OSBPL3: variants seen among roughly 807,000 people sequenced by gnomAD.
OSBPL3 encodes oxysterol binding protein like 3.
OSBPL3 carries 65 observed loss-of-function variants against 120.1 expected under a neutral mutation model. The ratio of observed to expected loss-of-function variants is 0.54; its 90% CI spans 0.44 to 0.67. The LOEUF (loss-of-function observed/expected upper bound fraction) is 0.67. Among genes scored for constraint, OSBPL3 ranks in the 30% least tolerant of loss-of-function variants. The pLI, the probability that OSBPL3 is intolerant of heterozygous loss-of-function variation, is 0.00. For synonymous variants in OSBPL3, 416 were observed against 402.6 expected (o/e 1.03, Z -0.40); for missense variants, 1,004 against 1,082.1 (o/e 0.93, Z 1.01).
intron 5 of OSBPL3, among the ~76,000 whole-genome samples, chr7:24,866,651 A>C (rs746736262): frequency 1.7e-4 from 26 of 152,100 alleles, no homozygotes; most frequent in Non-Finnish European, 3.5e-4. Flanking sequence ...AAAAAAATAC[A>C]TAAATAAGAA....
chr7:24,814,459 TAA>T (rs879840354), intron 19 of OSBPL3, among the ~76,000 whole-genome samples: 3 of 142,686 alleles, frequency 2.1e-5, no homozygotes, highest in East Asian at 2.0e-4. Context: ...AGCATGACAT[TAA>T]AAAAAAAAAA....
Position 24,820,126 on chromosome 7 carries a change from G to C in OSBPL3, c.1948+49C>G. ...CAGCAATTCTTGGATAAAATAAATA[G>C]ATAACATATTACACAATATGATGGA... On this transcript the variant is annotated intron_variant, in intron 17 of 22. Coordinates refer to ENST00000313367, the MANE Select transcript of OSBPL3 (RefSeq NM_015550.4). The surrounding 1 kb of genome is among the most constrained non-coding windows in gnomAD (Gnocchi z 4.6). The C allele has an allele frequency of 7.8e-7, 1 of 1,276,268 alleles. No homozygotes were observed. Among genetic ancestry groups the C allele is most frequent in the Non-Finnish European group, 1.1e-6 (1 of 883,946 alleles). The allele number at this position is 1,276,268 out of a possible 1,614,324, so 79.1% of individuals were successfully genotyped here. A position where few individuals can be genotyped will look rare whatever the true frequency, so the allele number is the denominator to read the frequency against.
At chr7:24,850,309 C>A (rs1038265856) in intron 11 of OSBPL3, among the ~76,000 whole-genome samples, 1 of 152,190 alleles carries the variant, frequency 6.6e-6, no homozygotes, top group Non-Finnish European at 1.5e-5. Context: ...CACTTCATGA[C>A]CAACTCTTCT....
chr7:24,909,447 A>G lies in OSBPL3; in HGVS notation c.-149-16826T>C, dbSNP rs74838692. Among the ~76,000 whole-genome samples, 1,361 of 152,326 alleles carry G rather than the reference A, an allele frequency of 8.9e-3. 13 individuals are homozygous for G. Among genetic ancestry groups the G allele is most frequent in the Non-Finnish European group, 0.013 (871 of 68,030 alleles). On this transcript the variant is annotated intron_variant, in intron 1 of 22. Coordinates refer to ENST00000313367, the MANE Select transcript of OSBPL3 (RefSeq NM_015550.4). ...GTGGTGATAGCTGGACCCAGAAATG[A>G]AAGACACACTGGTTGAAGACCATAG... is the stretch of plus-strand genomic sequence containing the variant.
intron 12 of OSBPL3, among the ~76,000 whole-genome samples, chr7:24,843,563 CG>C (rs1217741149): frequency 6.6e-6 from 1 of 152,150 alleles, no homozygotes; most frequent in East Asian, 1.9e-4. Flanking sequence ...AGCAGATTTT[CG>C]TAATTAATAA....
Position 24,855,943 on chromosome 7 carries a change from G to A in OSBPL3, c.1028-3309C>T, listed in dbSNP as rs1372680071. 1.3e-5 allele frequency among the ~76,000 whole-genome samples: 2 copies of A among 152,142 alleles called. No homozygotes were observed. The highest frequency in any genetic ancestry group is 2.9e-5 in the Non-Finnish European group (2 of 68,026). ...AACTCTTCACATCTCCAGCTTCCCC[G>A]CCAAATGGTCTGCTGGCCCACGCTT... On this transcript the variant is annotated intron_variant, in intron 10 of 22. Transcript: ENST00000313367. This position sits in a 1 kb window ranked among gnomAD's most constrained non-coding sequence, Gnocchi z 4.3.
intron 10 of OSBPL3, among the ~76,000 whole-genome samples, chr7:24,860,880 C>G: frequency 6.6e-6 from 1 of 152,164 alleles, no homozygotes; most frequent in Non-Finnish European, 1.5e-5. Context: ...AATAAACTTG[C>G]TTTGAACATG....
Position 24,912,395 on chromosome 7 carries a change from A to C in OSBPL3, c.-149-19774T>G, listed in dbSNP as rs1808950750. Among the ~76,000 whole-genome samples, 1 of 152,222 alleles carries C rather than the reference A, an allele frequency of 6.6e-6. No individual in the cohort carries two copies. The highest frequency in any genetic ancestry group is 6.5e-5 in the Admixed American group (1 of 15,282). On this transcript the variant is annotated intron_variant, in intron 1 of 22. Coordinates refer to ENST00000313367, the MANE Select transcript of OSBPL3 (RefSeq NM_015550.4). This position sits in a 1 kb window ranked among gnomAD's most constrained non-coding sequence, Gnocchi z 4.5. ...ATCAAATTCAGCAACCAGGGCCTTG[A>C]TCTTCCTTGCATATTCCCCTATGTT...
At chr7:24,961,996 C>CA (rs1815797769) in intron 1 of OSBPL3, among the ~76,000 whole-genome samples, 1 of 152,176 alleles carries the variant, frequency 6.6e-6, no homozygotes, top group Non-Finnish European at 1.5e-5. Context: ...GGTACCAGCA[C>CA]ATCAACCTTC....
chr7:24,845,596 T>G (rs1362530923), intron 12 of OSBPL3, among the ~76,000 whole-genome samples: 1 of 143,382 alleles, frequency 7.0e-6, no homozygotes. Context: ...TCAATTTCAC[T>G]GAAAATATTT....
At chr7:24,901,402 G>A (rs2128379945) in intron 1 of OSBPL3, among the ~76,000 whole-genome samples, 1 of 151,928 alleles carries the variant, frequency 6.6e-6, no homozygotes, top group South Asian at 2.1e-4. Context: ...AACCTGCTAA[G>A]ATGCATTCCC....
chr7:24,831,052 A>G lies in OSBPL3; in HGVS notation c.1747-147T>C, dbSNP rs1411432840. On this transcript the variant is annotated intron_variant, in intron 15 of 22. Transcript: ENST00000313367. This position sits in a 1 kb window ranked among gnomAD's most constrained non-coding sequence, Gnocchi z 4.0. ...GTTGTTTTTAAACAACATAGGTTTA[A>G]AATTGTAGGTTTAAATAATGTTTAT... The G allele has an allele frequency of 2.7e-6, 2 of 742,820 alleles. No homozygotes were observed. Among genetic ancestry groups the G allele is most frequent in the Admixed American group, 3.6e-5 (1 of 28,152 alleles). 46.0% of individuals were successfully genotyped at this position (742,820 alleles called of 1,614,324 possible).
At chr7:24,958,537 A>T (rs1473269864) in intron 1 of OSBPL3, among the ~76,000 whole-genome samples, 4 of 152,168 alleles carry the variant, frequency 2.6e-5, no homozygotes, top group Admixed American at 2.6e-4. Flanking sequence ...AAGGCATTTC[A>T]ATGTTTATGA....
intron 1 of OSBPL3, among the ~76,000 whole-genome samples, chr7:24,943,210 G>A (rs1264340941): frequency 6.6e-6 from 1 of 152,162 alleles, no homozygotes. Flanking sequence ...TTCCATGGTT[G>A]CCCTGGTGCA....
intron 14 of OSBPL3, among the ~76,000 whole-genome samples, chr7:24,839,498 C>T (rs1797425555): frequency 6.6e-6 from 1 of 152,216 alleles, no homozygotes; most frequent in Non-Finnish European, 1.5e-5. Flanking sequence ...TTAGGATACC[C>T]TGATGGGTCC....
At position 24,819,761 on chromosome 7, in the gene OSBPL3, A is replaced by C. The variant is rs7806080; in HGVS notation, c.1948+414T>G. Reference sequence around the variant, plus strand: ...ATTCTTTAGAAGATTTACCCACCCAACCCCAACTCAAAATATAAACTGAAC... The same window carrying C: ...ATTCTTTAGAAGATTTACCCACCCACCCCCAACTCAAAATATAAACTGAAC... On this transcript the variant is annotated intron_variant, in intron 17 of 22. Transcript: ENST00000313367. This position sits in a 1 kb window ranked among gnomAD's most constrained non-coding sequence, Gnocchi z 4.1. Among the ~76,000 whole-genome samples, 111,344 of 151,876 alleles carry C rather than the reference A, an allele frequency of 0.73. 41,290 individuals carry two copies. The highest frequency in any genetic ancestry group is 0.97 in the East Asian group (5,039 of 5,186).
chr7:24,820,364 A>C lies in OSBPL3; in HGVS notation c.1885-126T>G. ...GCTGAACTGAAGGAAAAACTTCTTT[A>C]GTTTCCCTCATCAAGTGTGTCCTCA... On this transcript the variant is annotated intron_variant, in intron 16 of 22. Coordinates refer to ENST00000313367, the MANE Select transcript of OSBPL3 (RefSeq NM_015550.4). This position sits in a 1 kb window ranked among gnomAD's most constrained non-coding sequence, Gnocchi z 4.6. 3 of 657,248 alleles carry C rather than the reference A, an allele frequency of 4.6e-6. No homozygotes were observed. The highest frequency in any genetic ancestry group is 8.1e-6 in the Non-Finnish European group (3 of 369,240). 40.7% of individuals were successfully genotyped at this position (657,248 alleles called of 1,614,324 possible). A position where few individuals can be genotyped will look rare whatever the true frequency, so the allele number is the denominator to read the frequency against.
intron 1 of OSBPL3, among the ~76,000 whole-genome samples, chr7:24,927,536 A>G (rs1203917155): frequency 6.6e-6 from 1 of 152,208 alleles, no homozygotes; most frequent in Admixed American, 6.5e-5. Flanking sequence ...GAAGCTCTCA[A>G]TGATTCCCAT....
rs755237790 is a variant in OSBPL3, at chr7:24,894,247, A to G, written c.-149-1626T>C. ...CAGAAAATGAAATTAAGGTGCCCAGAGCCATAGAGCTCAATTCCCATGTTA... is the reference window on the plus strand; with the variant it reads ...CAGAAAATGAAATTAAGGTGCCCAGGGCCATAGAGCTCAATTCCCATGTTA... On this transcript the variant is annotated intron_variant, in intron 1 of 22. Coordinates refer to ENST00000313367, the MANE Select transcript of OSBPL3 (RefSeq NM_015550.4). The surrounding 1 kb of genome is among the most constrained non-coding windows in gnomAD (Gnocchi z 4.1). 6.6e-6 allele frequency among the ~76,000 whole-genome samples: 1 copy of G among 152,188 alleles called. No individual in the cohort carries two copies. The highest frequency in any genetic ancestry group is 1.5e-5 in the Non-Finnish European group (1 of 68,042).
Sources: allele counts gnomAD v4.1 joint callset (sites outside exome capture counted in the v4.1 genomes callset), GRCh38; gene constraint gnomAD v4.1.1; non-coding constraint Gnocchi (gnomAD v3.1); transcripts MANE v1.5; gene names NCBI Gene and HGNC (gene_info 2026-07-23, HGNC 2026-07-21).